The following SKAP2 variants were observed in gnomAD, a reference collection of about 807,000 sequenced individuals.
SKAP2 encodes src kinase associated phosphoprotein 2.
In SKAP2, 28 loss-of-function variants were observed where a neutral mutation model predicts 54.9. That is an observed-to-expected ratio of 0.51 (90% CI 0.38 to 0.70). The LOEUF is 0.70. Ranked by LOEUF, SKAP2 falls within the 30% of genes least tolerant of loss-of-function variation. The pLI is 0.00. For missense variants in SKAP2, 356 were observed against 424.1 expected (o/e 0.84, Z 1.41); for synonymous variants, 137 against 134.3 (o/e 1.02, Z -0.14).
downstream of SKAP2, among the ~76,000 whole-genome samples, chr7:26,665,743 G>C (rs1236240442): frequency 6.6e-6 from 1 of 152,106 alleles, no homozygotes; most frequent in Admixed American, 6.6e-5. Context: ...GGTTCTAACA[G>C]ATATTCTGGA....
At chr7:26,804,748 A>T (rs1330232492) in intron 4 of SKAP2, among the ~76,000 whole-genome samples, 1 of 152,032 alleles carries the variant, frequency 6.6e-6, no homozygotes, top group African/African-American at 2.4e-5. Flanking sequence ...CAAAAAAAAA[A>T]AAAAAAAGTG....
chr7:26,684,101 T>C (rs993106563), intron 11 of SKAP2, among the ~76,000 whole-genome samples: 20 of 152,216 alleles, frequency 1.3e-4, no homozygotes, highest in Non-Finnish European at 1.9e-4. Context: ...AAAAAGATTC[T>C]GAATAATCCA....
intron 4 of SKAP2, among the ~76,000 whole-genome samples, chr7:26,790,022 G>T (rs974304864): frequency 5.3e-5 from 8 of 152,164 alleles, no homozygotes; most frequent in African/African-American, 1.9e-4. Flanking sequence ...TTACAAGACT[G>T]CATGCCTACC....
chr7:26,734,275 C>T (rs1014252849), intron 6 of SKAP2, among the ~76,000 whole-genome samples: 1 of 152,182 alleles, frequency 6.6e-6, no homozygotes, highest in Non-Finnish European at 1.5e-5. Context: ...ACAATTACTT[C>T]CTAAAAACCA....
At chr7:26,833,237 CA>C (rs200294611) in intron 4 of SKAP2, among the ~76,000 whole-genome samples, 4 of 150,568 alleles carry the variant, frequency 2.7e-5, no homozygotes, top group African/African-American at 9.8e-5. Flanking sequence ...ACTAAAAACA[CA>C]AAAAAAAATT....
chr7:26,728,253 C>T (rs1040832955), intron 6 of SKAP2, among the ~76,000 whole-genome samples: 1 of 152,038 alleles, frequency 6.6e-6, no homozygotes, highest in African/African-American at 2.4e-5. Flanking sequence ...AAGCATTTCC[C>T]AAAGATATTA....
At chr7:26,808,327 C>T (rs558116934) in intron 4 of SKAP2, among the ~76,000 whole-genome samples, 34 of 151,884 alleles carry the variant, frequency 2.2e-4, no homozygotes, top group Admixed American at 1.4e-3. Context: ...ACATGATGAC[C>T]CTTAAAGACA....
intron 4 of SKAP2, among the ~76,000 whole-genome samples, chr7:26,831,707 A>G (rs1280877834): frequency 6.6e-6 from 1 of 152,184 alleles, no homozygotes; most frequent in African/African-American, 2.4e-5. Context: ...CTGAAAAGTT[A>G]AGAAATTTGC....
downstream of SKAP2, among the ~76,000 whole-genome samples, chr7:26,664,728 GAAAAAAAA>G (rs372243207): frequency 9.0e-6 from 1 of 111,104 alleles, no homozygotes; most frequent in Non-Finnish European, 1.9e-5. Context: ...AAACTGAAAA[GAAAAAAAA>G]AAAAAAAAAA....
chr7:26,686,982 G>A (rs1449352887), intron 10 of SKAP2, among the ~76,000 whole-genome samples: 2 of 152,010 alleles, frequency 1.3e-5, no homozygotes, highest in East Asian at 3.9e-4. Flanking sequence ...TTTTGGCTTA[G>A]CTATGTTGTC....
intron 4 of SKAP2, among the ~76,000 whole-genome samples, chr7:26,822,434 T>C (rs146916989): frequency 6.6e-5 from 10 of 152,318 alleles, no homozygotes; most frequent in Admixed American, 6.5e-4. Context: ...TGGGGCACTA[T>C]GATCTGCACT....
intron 4 of SKAP2, among the ~76,000 whole-genome samples, chr7:26,754,585 C>T (rs562780707): frequency 7.2e-5 from 11 of 152,248 alleles, no homozygotes; most frequent in African/African-American, 2.6e-4. Flanking sequence ...ATTACCAGAA[C>T]AATTTCACCA....
intron 9 of SKAP2, among the ~76,000 whole-genome samples, chr7:26,718,485 TTTTATTTTATTTTAA>T (rs564875817): frequency 5.3e-4 from 81 of 151,766 alleles, no homozygotes; most frequent in Non-Finnish European, 9.3e-4. Context: ...ACTTCCACTT[TTTTATTTTATTTTAA>T]TTTATTTTAT....
chr7:26,700,306 A>G (rs1425698410), intron 9 of SKAP2, among the ~76,000 whole-genome samples: 1 of 152,210 alleles, frequency 6.6e-6, no homozygotes, highest in Admixed American at 6.5e-5. Flanking sequence ...ACTGGGTTCC[A>G]GTAATTAGTG....
chr7:26,808,714 C>T (rs1418149851), intron 4 of SKAP2, among the ~76,000 whole-genome samples: 2 of 152,114 alleles, frequency 1.3e-5, no homozygotes, highest in Non-Finnish European at 2.9e-5. Context: ...CCGATACTTA[C>T]TAGGCATGTA....
chr7:26,745,964 G>A (rs1472866701), intron 4 of SKAP2, among the ~76,000 whole-genome samples: 1 of 152,112 alleles, frequency 6.6e-6, no homozygotes. Context: ...TTATTATCTA[G>A]ATTAGCTTCT....
At chr7:26,778,927 T>A (rs1197100840) in intron 4 of SKAP2, among the ~76,000 whole-genome samples, 3 of 151,992 alleles carry the variant, frequency 2.0e-5, no homozygotes, top group Admixed American at 6.6e-5. Flanking sequence ...TAAAGACTAT[T>A]TTTCAGACTA....
intron 4 of SKAP2, among the ~76,000 whole-genome samples, chr7:26,794,799 C>T (rs751976078): frequency 6.6e-6 from 1 of 151,918 alleles, no homozygotes; most frequent in Non-Finnish European, 1.5e-5. Context: ...GTACAGCCCG[C>T]AGCACTGGAC....
At chr7:26,793,698 C>A (rs1486813439) in intron 4 of SKAP2, among the ~76,000 whole-genome samples, 1 of 152,166 alleles carries the variant, frequency 6.6e-6, no homozygotes, top group Admixed American at 6.6e-5. Context: ...CATATCAGTA[C>A]TACAGTTTCC....
Sources: gnomAD v4.1 joint callset for allele counts (sites outside exome capture counted in the v4.1 genomes callset) on GRCh38, gnomAD v4.1.1 for gene constraint, MANE v1.5 for transcripts, NCBI Gene and HGNC (gene_info 2026-07-23, HGNC 2026-07-21) for gene names.